Variants in FILIP1 observed in about 807,000 individuals in gnomAD.
FILIP1 encodes filamin A interacting protein 1.
A neutral mutation model predicts 102.1 loss-of-function variants in FILIP1; 61 were observed. That is an observed-to-expected ratio of 0.60 (90% CI 0.49 to 0.74). The LOEUF (loss-of-function observed/expected upper bound fraction) is 0.74, where lower values mean the gene tolerates loss of function less well. FILIP1 is among the 30% of genes least tolerant of loss of function. FILIP1 has a pLI of 0.00. For synonymous variants in FILIP1, 491 were observed against 526.9 expected (o/e 0.93, Z 0.93); for missense variants, 1,314 against 1,441.2 (o/e 0.91, Z 1.43).
chr6:75,394,760 AATT>A (rs1776405543), intron 2 of FILIP1, among the ~76,000 whole-genome samples: 1 of 152,190 alleles, frequency 6.6e-6, no homozygotes, highest in Non-Finnish European at 1.5e-5. Flanking sequence ...TTGGCAAAGG[AATT>A]ACAGCACTGA....
rs772998565 is a variant in FILIP1, at chr6:75,313,008, T to A, written c.2824A>T (p.Ile942Phe). Residue 942 changes from isoleucine (I) to phenylalanine (F), a missense_variant, in exon 5 of 6, where the codon ATT (isoleucine) becomes TTT (phenylalanine). Ile to Phe is a conservative substitution (Grantham distance 21, BLOSUM62 0). This residue lies in a region of FILIP1 where 816 missense variants were observed against 913.1 expected (regional missense o/e 0.89). Coordinates refer to ENST00000237172, the MANE Select transcript of FILIP1 (RefSeq NM_015687.5). This position sits in a 1 kb window ranked among gnomAD's most constrained non-coding sequence, Gnocchi z 4.2. ...SEEFFSSTTV[I>F]PTLGNQKPRI... ...GGTTTCTGATTCCCTAAGGTAGGAA[T>A]GACAGTGGTACTAGAAAAAAATTCT... 1.2e-6 allele frequency: 2 copies of A among 1,614,088 alleles called. No homozygotes were observed. Among genetic ancestry groups the A allele is most frequent in the Non-Finnish European group, 1.7e-6 (2 of 1,180,054 alleles).
intron 6 of FILIP1, chr6:75,296,387 TAG>T (rs1358643316): frequency 7.0e-6 from 1 of 143,350 alleles, no homozygotes; most frequent in Non-Finnish European, 1.6e-5. Context: ...GTGTGTGGAT[TAG>T]AGTTTAATAA....
At chr6:75,297,015 GATTCCTAACA>G (rs1772700790) in intron 6 of FILIP1, 1 of 152,094 alleles carries the variant, frequency 6.6e-6, no homozygotes, top group Non-Finnish European at 1.5e-5. Context: ...AAATGAGACA[GATTCCTAACA>G]TCACTGAGAT....
intron 2 of FILIP1, among the ~76,000 whole-genome samples, chr6:75,402,120 A>T (rs1198496769): frequency 6.6e-6 from 1 of 152,120 alleles, no homozygotes; most frequent in East Asian, 1.9e-4. Context: ...TACATTTCTC[A>T]ATAAAACTAA....
At chr6:75,327,751 TA>T (rs1773921013) in intron 4 of FILIP1, among the ~76,000 whole-genome samples, 1 of 151,864 alleles carries the variant, frequency 6.6e-6, no homozygotes, top group Non-Finnish European at 1.5e-5. Context: ...TATAAATTAA[TA>T]AATGAAAACA....
chr6:75,422,592 G>A (rs1777502967), intron 1 of FILIP1, among the ~76,000 whole-genome samples: 1 of 152,078 alleles, frequency 6.6e-6, no homozygotes, highest in South Asian at 2.1e-4. Context: ...AGAAAGACAA[G>A]TACCTTAGGC....
Position 75,362,853 on chromosome 6 carries a change from T to G in FILIP1, c.341A>C (p.His114Pro). Residue 114 changes from histidine to proline, a missense_variant, in exon 3 of 6, where the codon CAT becomes CCT. Transcript: ENST00000237172. Reference protein sequence around the residue: ...EKTKPEVLEAHYGSAEPEKVL... With the variant: ...EKTKPEVLEAPYGSAEPEKVL... ...TTTCTCTGGCTCCGCAGACCCGTAA[T>G]GAGCCTCCAGAACCTCAGGCTTGGT... The G allele has an allele frequency of 6.2e-7, 1 of 1,614,070 alleles. No individual in the cohort carries two copies. The highest frequency in any genetic ancestry group is 8.5e-7 in the Non-Finnish European group (1 of 1,179,990).
intron 6 of FILIP1, among the ~76,000 whole-genome samples, chr6:75,298,456 A>G (rs1772746364): frequency 6.6e-6 from 1 of 152,150 alleles, no homozygotes; most frequent in African/African-American, 2.4e-5. Flanking sequence ...TTATTTCTAG[A>G]GATAGTGAGA....
At chr6:75,430,214 G>T (rs1005275496) in intron 1 of FILIP1, among the ~76,000 whole-genome samples, 2 of 152,140 alleles carry the variant, frequency 1.3e-5, no homozygotes, top group African/African-American at 4.8e-5. Flanking sequence ...CTTCTGCCAT[G>T]ATTGTAAGTT....
At chr6:75,390,259 T>C (rs1212910973) in intron 2 of FILIP1, among the ~76,000 whole-genome samples, 2 of 152,188 alleles carry the variant, frequency 1.3e-5, no homozygotes, top group African/African-American at 2.4e-5. Flanking sequence ...TGCTTCCAAA[T>C]AATTCTCTCT....
At chr6:75,420,121 T>C (rs1241355770) in intron 1 of FILIP1, among the ~76,000 whole-genome samples, 1 of 152,152 alleles carries the variant, frequency 6.6e-6, no homozygotes, top group African/African-American at 2.4e-5. Context: ...AGGGATTCTC[T>C]TGGAGTCACT....
intron 1 of FILIP1, chr6:75,454,130 G>A (rs1188453934): frequency 4.8e-6 from 2 of 412,530 alleles, no homozygotes; most frequent in Non-Finnish European, 9.7e-6. Flanking sequence ...GTTCTTTACT[G>A]GAGGCTCTGC....
At chr6:75,331,042 T>C (rs1021943076) in intron 4 of FILIP1, among the ~76,000 whole-genome samples, 1 of 152,212 alleles carries the variant, frequency 6.6e-6, no homozygotes, top group Non-Finnish European at 1.5e-5. Flanking sequence ...GATGATTACA[T>C]TTCTTACTAT....
intron 1 of FILIP1, among the ~76,000 whole-genome samples, chr6:75,425,428 A>T (rs1397288640): frequency 6.6e-6 from 1 of 152,166 alleles, no homozygotes; most frequent in Non-Finnish European, 1.5e-5. Flanking sequence ...AAAATGAGTC[A>T]TCACCTTTTG....
At chr6:75,377,372 G>T (rs1199171615) in intron 2 of FILIP1, among the ~76,000 whole-genome samples, 1 of 152,084 alleles carries the variant, frequency 6.6e-6, no homozygotes, top group African/African-American at 2.4e-5. Context: ...AAATTATCTT[G>T]CCCTTTCAAT....
chr6:75,459,740 A>G (rs916006600), intron 1 of FILIP1, among the ~76,000 whole-genome samples: 2 of 152,170 alleles, frequency 1.3e-5, no homozygotes, highest in Admixed American at 6.5e-5. Flanking sequence ...ATGCATTTCA[A>G]TAGCAGTCTT....
rs369835299 is a variant in FILIP1, at chr6:75,423,145, A to G, written c.-6-8167T>C. Among the ~76,000 whole-genome samples, 15 of 152,278 alleles carry G rather than the reference A, an allele frequency of 9.9e-5. No individual in the cohort carries two copies. In the East Asian group the frequency reaches 2.5e-3, roughly 25 times the overall value. ...AATTATCAAAGCTGATTCTTTTACAACTACACTAGAAGTTGCTGAAGAACT... is the reference window on the plus strand; with the variant it reads ...AATTATCAAAGCTGATTCTTTTACAGCTACACTAGAAGTTGCTGAAGAACT... On this transcript the variant is annotated intron_variant, in intron 1 of 5. Transcript: ENST00000237172.
chr6:75,304,787 G>A (rs530602993), downstream of FILIP1, among the ~76,000 whole-genome samples: 15 of 152,314 alleles, frequency 9.8e-5, no homozygotes, highest in African/African-American at 3.1e-4. Context: ...TGGAAGTGAT[G>A]TTCTCCGGGG....
chr6:75,437,464 C>A (rs1778064363), intron 1 of FILIP1, among the ~76,000 whole-genome samples: 1 of 152,212 alleles, frequency 6.6e-6, no homozygotes, highest in South Asian at 2.1e-4. Context: ...TCACAATCCT[C>A]ATTTCAGCAA....
Sources: allele counts gnomAD v4.1 joint callset (sites outside exome capture counted in the v4.1 genomes callset), GRCh38; gene constraint gnomAD v4.1.1; regional missense constraint gnomAD v4.1.1; non-coding constraint Gnocchi (gnomAD v3.1); transcripts MANE v1.5; gene names NCBI Gene and HGNC (gene_info 2026-07-23, HGNC 2026-07-21).